DNAH12: variants seen among roughly 807,000 people sequenced by gnomAD.
The protein encoded by DNAH12 is axonemal beta dynein heavy chain 12.
A neutral mutation model predicts 371.5 loss-of-function variants in DNAH12; 285 were observed. The observed-to-expected ratio is 0.77, with a 90% CI of 0.70 to 0.85. DNAH12 has a LOEUF of 0.85. Among genes scored for constraint, DNAH12 ranks in the 40% least tolerant of loss-of-function variants. DNAH12 has a pLI of 0.00. For synonymous variants in DNAH12, 1,200 were observed against 1,213.0 expected, an observed-to-expected ratio of 0.99 and a Z score of 0.22; for missense variants, 3,611 against 3,689.4, an observed-to-expected ratio of 0.98 and a Z score of 0.55.
chr3:57,366,944 A>G (rs955469384), intron 56 of DNAH12, 23 bp from the exon 57 acceptor site: 4 of 152,254 alleles, frequency 2.6e-5, no homozygotes, highest in Non-Finnish European at 4.4e-5. Flanking sequence ...AAACAAATGC[A>G]TAACAAGTGA....
chr3:57,409,672 C>T (rs1370404611), intron 39 of DNAH12, among the ~76,000 whole-genome samples: 1 of 151,978 alleles, frequency 6.6e-6, no homozygotes. Context: ...AAGCAGAATT[C>T]CTAGGGCCTA....
intron 29 of DNAH12, among the ~76,000 whole-genome samples, chr3:57,438,453 G>T (rs913656722): frequency 1.3e-5 from 2 of 152,134 alleles, no homozygotes; most frequent in Non-Finnish European, 2.9e-5. Flanking sequence ...GCAAGAGAAA[G>T]AAATAAAAGG....
At chr3:57,369,014 C>T (rs2063110250) in intron 55 of DNAH12, among the ~76,000 whole-genome samples, 1 of 151,744 alleles carries the variant, frequency 6.6e-6, no homozygotes, top group Non-Finnish European at 1.5e-5. Context: ...CAAGACCAGC[C>T]TGGCCAACAT....
chr3:57,448,217 T>C (rs1233477953), intron 25 of DNAH12, among the ~76,000 whole-genome samples: 1 of 152,186 alleles, frequency 6.6e-6, no homozygotes, highest in Admixed American at 6.5e-5. Context: ...ATCCAGAGTT[T>C]GTTCCTTCTG....
intron 58 of DNAH12, among the ~76,000 whole-genome samples, chr3:57,363,038 T>C (rs1353633039): frequency 1.3e-5 from 2 of 152,218 alleles, no homozygotes; most frequent in Admixed American, 6.5e-5. Flanking sequence ...CTTGAATTAA[T>C]TTTTGTATAA....
At chr3:57,490,378 C>T (rs2067075120) in intron 11 of DNAH12, among the ~76,000 whole-genome samples, 1 of 152,040 alleles carries the variant, frequency 6.6e-6, no homozygotes, top group African/African-American at 2.4e-5. Context: ...TCTGCAATTA[C>T]CAAGATCCAA....
At chr3:57,305,358 G>A (rs991703847) in intron 69 of DNAH12, among the ~76,000 whole-genome samples, 26 of 151,270 alleles carry the variant, frequency 1.7e-4, no homozygotes, top group African/African-American at 4.9e-4. Context: ...GCTGCTCCTC[G>A]CCAGGCCGAG....
rs11542068 is a variant in DNAH12 at position 57,295,588 on chromosome 3, A to G, written c.11629T>C (p.Leu3877=). Residue 3877 remains leucine (L), a synonymous_variant, in exon 73 of 74, where the codon TTG becomes CTG. Coordinates refer to ENST00000495027, the MANE Select transcript of DNAH12 (RefSeq NM_001366028.2). ...AGTTTGGGATATTGTTCAGCAAGCA[A>G]TCCACTGTAACGAGAAATTGACAGA... is the stretch of plus-strand genomic sequence containing the variant. ...DGARWDRESG[L]LAEQYPKLLF... 6.5e-7 allele frequency: 1 copy of G among 1,541,930 alleles called. No homozygotes were observed. The highest frequency in any genetic ancestry group is 1.2e-5 in the South Asian group (1 of 82,480).
intron 6 of DNAH12, 151 bp from the exon 7 acceptor site, chr3:57,508,691 T>A: frequency 1.3e-6 from 1 of 798,592 alleles, no homozygotes; most frequent in Non-Finnish European, 1.9e-6. Flanking sequence ...CCTTAAGATA[T>A]ATGCATTTAA....
intron 18 of DNAH12, among the ~76,000 whole-genome samples, chr3:57,462,199 G>T (rs1231688730): frequency 3.3e-5 from 5 of 152,108 alleles, no homozygotes; most frequent in Non-Finnish European, 1.5e-5. Flanking sequence ...TTCTCGTCTG[G>T]ATTCAGGACA....
rs2061177020 is a variant in DNAH12, at chr3:57,293,998, A to C, written c.11693-27T>G. The C allele has an allele frequency of 7.7e-6, 11 of 1,433,894 alleles. No individual in the cohort carries two copies. In the South Asian group the frequency reaches 7.8e-5, roughly 10 times the overall value. 88.8% of individuals were successfully genotyped at this position (1,433,894 alleles called of 1,614,324 possible). On this transcript the variant is annotated intron_variant, in intron 73 of 73. Coordinates refer to ENST00000495027, the MANE Select transcript of DNAH12 (RefSeq NM_001366028.2). ...TTGAAAAAAAAAAAGAAATATATTC[A>C]CTTGATAAAGGGAAAAACAGCCATT...
intron 7 of DNAH12, among the ~76,000 whole-genome samples, 187 bp downstream of exon 7, chr3:57,508,195 A>G (rs545235852): frequency 2.5e-4 from 26 of 104,662 alleles, no homozygotes; most frequent in Non-Finnish European, 5.4e-4. Flanking sequence ...ACGGGAAAAA[A>G]AAAACAAAAA....
intron 43 of DNAH12, among the ~76,000 whole-genome samples, chr3:57,397,074 A>C (rs2063757304): frequency 6.6e-6 from 1 of 152,250 alleles, no homozygotes; most frequent in African/African-American, 2.4e-5. Context: ...AAATCCTTAC[A>C]TACATTATAT....
At chr3:57,332,400 C>T (rs2062119277) in intron 62 of DNAH12, among the ~76,000 whole-genome samples, 1 of 152,130 alleles carries the variant, frequency 6.6e-6, no homozygotes, top group Non-Finnish European at 1.5e-5. Flanking sequence ...TACCCTACTA[C>T]CACAAACAAT....
At position 57,544,204 on chromosome 3, in the gene DNAH12, T is replaced by A. The variant is rs1208689193; in HGVS notation, c.-41A>T. On this transcript the variant is annotated 5_prime_UTR_variant, in exon 1 of 74. Coordinates refer to ENST00000495027, the MANE Select transcript of DNAH12 (RefSeq NM_001366028.2). ...ACAGCAGAGAACAAGTACCTGATTG[T>A]TTCTCACTACTTCCCCGCTGCGCAG... 2.6e-5 allele frequency: 4 copies of A among 152,212 alleles called. No individual in the cohort carries two copies. Among genetic ancestry groups the A allele is most frequent in the Non-Finnish European group, 4.4e-5 (3 of 68,058 alleles). The allele number at this position is 152,212 out of a possible 1,614,324, so 9.4% of individuals were successfully genotyped here.
Position 57,444,768 on chromosome 3 carries a change from C to G in DNAH12, c.4474G>C (p.Asp1492His). The G allele has an allele frequency of 6.5e-7, 1 of 1,548,554 alleles. No individual in the cohort carries two copies. Among genetic ancestry groups the G allele is most frequent in the South Asian group, 1.2e-5 (1 of 83,034 alleles). ...DVNEPKFLSH[D>H]IPLFNGITSD... ...GTTATTCCATTAAATAAAGGTATAT[C>G]ATGTGATAAAAACTTTGGTTCATTT... Residue 1492 changes from aspartate (D) to histidine (H), a missense_variant, in exon 29 of 74, where the codon GAT (aspartate) becomes CAT (histidine). By Grantham distance (81) the Asp-to-His change is moderately conservative. Transcript: ENST00000495027.
In DNAH12 at chr3:57,322,388, T is replaced by C. The variant is rs1214628755; in HGVS notation, c.10479A>G (p.Pro3493=). The change falls in exon 65 of 74, where the codon CCA becomes CCG. Residue 3493 remains proline, a synonymous_variant. Coordinates refer to ENST00000495027, the MANE Select transcript of DNAH12 (RefSeq NM_001366028.2). ...LNLLQSYLTD[P]VSDPEFFKGC... is the part of the protein sequence containing the mutation. ...CCTTGAAAAACTCAGGATCAGAAACTGGATCAGTGAGATATGATTGAAGGA... is the reference window on the plus strand; with the variant it reads ...CCTTGAAAAACTCAGGATCAGAAACCGGATCAGTGAGATATGATTGAAGGA... The C allele has an allele frequency of 6.4e-7, 1 of 1,551,864 alleles. No individual in the cohort carries two copies. The highest frequency in any genetic ancestry group is 1.2e-5 in the South Asian group (1 of 83,996).
chr3:57,388,003 C>T (rs1044019662), intron 45 of DNAH12, among the ~76,000 whole-genome samples: 10 of 151,970 alleles, frequency 6.6e-5, no homozygotes, highest in South Asian at 6.2e-4. Flanking sequence ...TACTGGGAGA[C>T]GATCACAATT....
At chr3:57,385,267 CA>C (rs1327755768) in intron 48 of DNAH12, 81 bp downstream of exon 48, 1 of 152,162 alleles carries the variant, frequency 6.6e-6, no homozygotes, top group Admixed American at 6.5e-5. Flanking sequence ...AGTCTAGTAG[CA>C]AAACATTAAC....
Sources: allele counts gnomAD v4.1 joint callset (sites outside exome capture counted in the v4.1 genomes callset), GRCh38; gene constraint gnomAD v4.1.1; transcripts MANE v1.5; gene names NCBI Gene and HGNC (gene_info 2026-07-23, HGNC 2026-07-21).